ALKBH5: variants seen among roughly 807,000 people sequenced by gnomAD.
ALKBH5 encodes the protein RNA demethylase ALKBH5.
Under a neutral mutation model 32.1 loss-of-function variants are expected in ALKBH5, and 2 were observed. That is an observed-to-expected ratio of 0.06 (90% confidence interval 0.03 to 0.20). The LOEUF (loss-of-function observed/expected upper bound fraction) is 0.20. Ranked by LOEUF, ALKBH5 falls within the 10% of genes least tolerant of loss-of-function variation. The probability of loss-of-function intolerance (pLI) is 1.00; values close to 1 mark genes in which losing one functional copy is unlikely to be tolerated. For missense variants in ALKBH5, 352 were observed against 559.5 expected (o/e 0.63, Z 3.74); for synonymous variants, 300 against 231.7 (o/e 1.29, Z -2.68).
intron 3 of ALKBH5, among the ~76,000 whole-genome samples, chr17:18,208,003 C>T (rs2047279726): frequency 6.6e-6 from 1 of 152,208 alleles, no homozygotes; most frequent in Admixed American, 6.5e-5. Context: ...GCCAGGCAGA[C>T]CCCACAGGGT....
chr17:18,203,077 A>AC (rs2047251099), intron 2 of ALKBH5, among the ~76,000 whole-genome samples: 1 of 148,132 alleles, frequency 6.8e-6, no homozygotes, highest in African/African-American at 2.6e-5. Context: ...CTTTTAAAAA[A>AC]AAAAAAAAAA....
chr17:18,198,182 A>T (rs1481074322), intron 2 of ALKBH5, among the ~76,000 whole-genome samples: 2 of 152,208 alleles, frequency 1.3e-5, no homozygotes, highest in Non-Finnish European at 2.9e-5. Context: ...GCTTTTTAGC[A>T]TCACCTAAAG....
Position 18,208,488 on chromosome 17 carries a change from GTTTT to G in ALKBH5, c.*94_*97del. 8 of 1,276,042 alleles carry G rather than the reference GTTTT, an allele frequency of 6.3e-6. No individual in the cohort carries two copies. Among genetic ancestry groups the G allele is most frequent in the Non-Finnish European group, 7.8e-6 (7 of 901,774 alleles). 79.0% of individuals were successfully genotyped at this position (1,276,042 alleles called of 1,614,324 possible). A position where few individuals can be genotyped will look rare whatever the true frequency, so the allele number is the denominator to read the frequency against. On this transcript the variant is annotated 3_prime_UTR_variant, in exon 4 of 4. Coordinates refer to ENST00000399138, the MANE Select transcript of ALKBH5 (RefSeq NM_017758.4). ...GGGTTTTGTTTTTGTTCATTGGGGG[GTTTT>G]TGTTTTTTGTTTTTTGTTTTTTTTG...
chr17:18,197,257 C>G (rs1389560226), intron 2 of ALKBH5, among the ~76,000 whole-genome samples: 1 of 152,190 alleles, frequency 6.6e-6, no homozygotes, highest in Admixed American at 6.5e-5. Flanking sequence ...AGACTGTTCC[C>G]AGAATTTGTC....
chr17:18,195,461 A>G (rs1326392634), intron 2 of ALKBH5, among the ~76,000 whole-genome samples: 1 of 152,214 alleles, frequency 6.6e-6, no homozygotes, highest in African/African-American at 2.4e-5. Context: ...AGGAACAGGG[A>G]GTGAAGAGAG....
chr17:18,191,854 CAGG>C (rs1035133484), intron 1 of ALKBH5, among the ~76,000 whole-genome samples: 1 of 151,374 alleles, frequency 6.6e-6, no homozygotes, highest in African/African-American at 2.4e-5. Context: ...GGGTCTGAGG[CAGG>C]AGAATTGCTT....
At chr17:18,192,984 C>A (rs746629460) in intron 1 of ALKBH5, among the ~76,000 whole-genome samples, 1 of 151,182 alleles carries the variant, frequency 6.6e-6, no homozygotes, top group African/African-American at 2.4e-5. Context: ...TCAGCCTCTG[C>A]GATAGCTGGA....
intron 2 of ALKBH5, among the ~76,000 whole-genome samples, chr17:18,201,784 TAGGA>T (rs1038996604): frequency 2.2e-4 from 21 of 97,240 alleles, no homozygotes; most frequent in African/African-American, 8.4e-4. Flanking sequence ...GATAGATAGA[TAGGA>T]TAGATAAGAT....
chr17:18,193,047 G>A (rs907745315), intron 1 of ALKBH5, among the ~76,000 whole-genome samples: 13 of 151,618 alleles, frequency 8.6e-5, no homozygotes, highest in Non-Finnish European at 1.8e-4. Context: ...TTGTAGAGAC[G>A]GGGTTTCACC....
Position 18,208,944 on chromosome 17 carries a change from G to T in ALKBH5, c.*548G>T. ...CATGCAAACACCCTTTCTTCCTCCT[G>T]CGGCAGAGTTGTTCAGGTTGCCTGG... On this transcript the variant is annotated 3_prime_UTR_variant, in exon 4 of 4. Coordinates refer to ENST00000399138, the MANE Select transcript of ALKBH5 (RefSeq NM_017758.4). 1.5e-5 allele frequency: 3 copies of T among 202,544 alleles called. No homozygotes were observed. In the South Asian group the frequency reaches 2.2e-4, roughly 15 times the overall value. The allele number at this position is 202,544 out of a possible 1,614,324, so 12.5% of individuals were successfully genotyped here.
chr17:18,191,231 C>T (rs2047172614), intron 1 of ALKBH5, among the ~76,000 whole-genome samples: 1 of 152,188 alleles, frequency 6.6e-6, no homozygotes, highest in Non-Finnish European at 1.5e-5. Context: ...TTCCCTTAAT[C>T]AGGACTTTGA....
At chr17:18,202,148 A>G (rs2047245318) in intron 2 of ALKBH5, among the ~76,000 whole-genome samples, 1 of 151,926 alleles carries the variant, frequency 6.6e-6, no homozygotes, top group African/African-American at 2.4e-5. Context: ...TCTACTAAAA[A>G]TACAAAAAAA....
rs118025073 is a variant in ALKBH5, at chr17:18,200,872, C to T, written c.851+5837C>T. On this transcript the variant is annotated intron_variant, in intron 2 of 3. Transcript: ENST00000399138. Reference sequence around the variant, plus strand: ...GAGGACTTGATACACCGGCCTAAGACAGCAAAAGCTTCACGCTGTGCAGAG... The same window carrying T: ...GAGGACTTGATACACCGGCCTAAGATAGCAAAAGCTTCACGCTGTGCAGAG... 2.0e-3 allele frequency among the ~76,000 whole-genome samples: 300 copies of T among 152,320 alleles called. 8 individuals carry two copies. The East Asian group carries it at 0.055, about 28-fold the overall frequency.
chr17:18,184,347 C>CAGCCGCCGT lies in ALKBH5; in HGVS notation c.113_121dup (p.Val38_Ala40dup), dbSNP rs751084337. On this transcript the variant is annotated inframe_insertion, in exon 1 of 4. Coordinates refer to ENST00000399138, the MANE Select transcript of ALKBH5 (RefSeq NM_017758.4). ...AGCCGGGAGGCCGCCGCCGCTGCCG[C>CAGCCGCCGT]AGCCGCCGTAGCCGCCGCAGCCGCA... The CAGCCGCCGT allele has an allele frequency of 2.6e-6, 4 of 1,513,696 alleles. No homozygotes were observed. Among genetic ancestry groups the CAGCCGCCGT allele is most frequent in the South Asian group, 1.3e-5 (1 of 79,792 alleles). The allele number at this position is 1,513,696 out of a possible 1,614,324, so 93.8% of individuals were successfully genotyped here. A position where few individuals can be genotyped will look rare whatever the true frequency, so the allele number is the denominator to read the frequency against.
chr17:18,200,799 C>A (rs2047232086), intron 2 of ALKBH5, among the ~76,000 whole-genome samples: 1 of 152,190 alleles, frequency 6.6e-6, no homozygotes, highest in Non-Finnish European at 1.5e-5. Flanking sequence ...TTTACAGAGG[C>A]TTGGAGTCCA....
chr17:18,194,732 TC>T (rs2142477053), intron 1 of ALKBH5, among the ~76,000 whole-genome samples: 1 of 152,336 alleles, frequency 6.6e-6, no homozygotes, highest in East Asian at 1.9e-4. Flanking sequence ...CCAAGGGGTC[TC>T]CTTTGTGTCA....
chr17:18,189,201 C>T (rs1451187822), intron 1 of ALKBH5, among the ~76,000 whole-genome samples: 3 of 152,066 alleles, frequency 2.0e-5, no homozygotes, highest in Non-Finnish European at 4.4e-5. Flanking sequence ...CATGGTGAAA[C>T]CCTGTCTCTA....
Position 18,184,472 on chromosome 17 carries a change from CAGA to C in ALKBH5, c.232_234del (p.Lys78del). On this transcript the variant is annotated inframe_deletion, in exon 1 of 4. Coordinates refer to ENST00000399138, the MANE Select transcript of ALKBH5 (RefSeq NM_017758.4). ...CAGCGACTATGAGGAGCAGCAGCTG[CAGA>C]AGGAGGAGGAGGCGCGCAAGGTGAA... is the stretch of plus-strand genomic sequence containing the variant. 1.2e-6 allele frequency: 2 copies of C among 1,612,602 alleles called. No individual in the cohort carries two copies. Among genetic ancestry groups the C allele is most frequent in the Non-Finnish European group, 1.7e-6 (2 of 1,179,648 alleles).
chr17:18,194,896 C>G lies in ALKBH5; in HGVS notation c.771-59C>G, dbSNP rs186450598. 1.8e-5 allele frequency: 27 copies of G among 1,491,298 alleles called. No homozygotes were observed. The African/African-American group carries it at 2.9e-4, about 16-fold the overall frequency. 92.4% of individuals were successfully genotyped at this position (1,491,298 alleles called of 1,614,324 possible). On this transcript the variant is annotated intron_variant, in intron 1 of 3. Transcript: ENST00000399138. ...CCATGTTCCTGTCCTGTTATATCCCCCAGGAACTTTGGTTGTCTGTCTACT... is the reference window on the plus strand; with the variant it reads ...CCATGTTCCTGTCCTGTTATATCCCGCAGGAACTTTGGTTGTCTGTCTACT...
Sources: allele counts gnomAD v4.1 joint callset (sites outside exome capture counted in the v4.1 genomes callset), GRCh38; gene constraint gnomAD v4.1.1; transcripts MANE v1.5; gene names NCBI Gene and HGNC (gene_info 2026-07-23, HGNC 2026-07-21).